Variants in PIGR observed in about 807,000 individuals in gnomAD.
The protein encoded by PIGR is polymeric immunoglobulin receptor, also known as hepatocellular carcinoma associated protein TB6.
PIGR carries 22 observed loss-of-function variants against 69.5 expected under a neutral mutation model. The observed-to-expected ratio is 0.32, with a 90% CI of 0.23 to 0.45. The LOEUF (loss-of-function observed/expected upper bound fraction) is 0.45, where lower values mean the gene tolerates loss of function less well. Ranked by LOEUF, PIGR falls within the 20% of genes least tolerant of loss-of-function variation. PIGR has a pLI of 1.00. For synonymous variants in PIGR, 413 were observed against 407.6 expected (o/e 1.01, Z -0.16); for missense variants, 885 against 974.0 (o/e 0.91, Z 1.22).
In PIGR at chr1:206,935,876, G is replaced by A. The variant is rs372052893; in HGVS notation, c.1046-58C>T. The stretch of plus-strand genomic sequence containing the variant: ...TGGCCACGCAGGAAGAGCCTTGCGT[G>A]GCCTGAGAAGCCTTCTTCCCGGGGT... On this transcript the variant is annotated intron_variant, in intron 4 of 10. Coordinates refer to ENST00000356495, the MANE Select transcript of PIGR (RefSeq NM_002644.4). The surrounding 1 kb of genome is among the most constrained non-coding windows in gnomAD (Gnocchi z 4.4). 9.4e-5 allele frequency: 126 copies of A among 1,334,130 alleles called. 4 individuals are homozygous for A. The South Asian group carries it at 1.6e-3, about 17-fold the overall frequency. The allele number at this position is 1,334,130 out of a possible 1,614,324, so 82.6% of individuals were successfully genotyped here.
At chr1:206,938,154 A>T (rs1467790747) in intron 3 of PIGR, among the ~76,000 whole-genome samples, 1 of 152,246 alleles carries the variant, frequency 6.6e-6, no homozygotes, top group African/African-American at 2.4e-5. Flanking sequence ...AACAGAATGA[A>T]TGTAAATGCA....
intron 1 of PIGR, among the ~76,000 whole-genome samples, chr1:206,940,851 C>T (rs1679968731): frequency 2.0e-5 from 3 of 152,212 alleles, no homozygotes; most frequent in African/African-American, 7.2e-5. Flanking sequence ...GTCATTTGCT[C>T]TGTTTCCCTG....
chr1:206,944,327 G>T (rs1200776340), intron 1 of PIGR, among the ~76,000 whole-genome samples: 1 of 152,122 alleles, frequency 6.6e-6, no homozygotes, highest in Non-Finnish European at 1.5e-5. Context: ...GCAAAAGTTA[G>T]CTGGGTGTGG....
At chr1:206,931,034 G>A in intron 10 of PIGR, 1 of 985,380 alleles carries the variant, frequency 1.0e-6, no homozygotes. Flanking sequence ...CAAGAGAAGT[G>A]AGCAGGGGCT....
chr1:206,931,752 C>T lies in PIGR; in HGVS notation c.2059G>A (p.Glu687Lys), dbSNP rs775192099. 1.1e-5 allele frequency: 18 copies of T among 1,614,088 alleles called. No individual in the cohort carries two copies. Among genetic ancestry groups the T allele is most frequent in the South Asian group, 6.6e-5 (6 of 91,082 alleles). Residue 687 changes from glutamate (E) to lysine (K), a missense_variant, in exon 9 of 11, where the codon GAG becomes AAG. Physicochemically the swap from Glu to Lys is moderately conservative, Grantham distance 56 (BLOSUM62 1). Coordinates refer to ENST00000356495, the MANE Select transcript of PIGR (RefSeq NM_002644.4). ...YRTDISMSDFENSREFGANDN... is the reference protein window; with the variant it reads ...YRTDISMSDFKNSREFGANDN... ...TTGGCTCCAAATTCCCTGGAGTTCT[C>T]GAAGTCTGACATGCTAATGTCTGTC...
intron 1 of PIGR, among the ~76,000 whole-genome samples, chr1:206,941,367 A>G (rs1287178272): frequency 6.6e-6 from 1 of 152,220 alleles, no homozygotes; most frequent in Non-Finnish European, 1.5e-5. Flanking sequence ...ATCGCACCCC[A>G]AATACAAGAG....
chr1:206,945,842 T>C (rs1680096725), intron 1 of PIGR, among the ~76,000 whole-genome samples: 2 of 152,264 alleles, frequency 1.3e-5, no homozygotes, highest in South Asian at 2.1e-4. Flanking sequence ...CTGAAAAATA[T>C]GAAACAATTC....
At position 206,946,423 on chromosome 1, in the gene PIGR, C is replaced by T. The variant is rs1680108268; in HGVS notation, c.-141G>A. The T allele has an allele frequency of 6.6e-6, 1 of 152,270 alleles. No homozygotes were observed. Among genetic ancestry groups the T allele is most frequent in the Non-Finnish European group, 1.5e-5 (1 of 68,064 alleles). 9.4% of individuals were successfully genotyped at this position (152,270 alleles called of 1,614,324 possible). On this transcript the variant is annotated 5_prime_UTR_variant, in exon 1 of 11. Coordinates refer to ENST00000356495, the MANE Select transcript of PIGR (RefSeq NM_002644.4). ...GTAACCCCTGCCTCTCTAGGAGCTACTGGCAGGGCACTGGACGCTGCTGCC... is the reference window on the plus strand; with the variant it reads ...GTAACCCCTGCCTCTCTAGGAGCTATTGGCAGGGCACTGGACGCTGCTGCC...
Position 206,930,294 on chromosome 1 carries a change from G to GC in PIGR, c.*23dup. 6.3e-7 allele frequency: 1 copy of GC among 1,594,152 alleles called. No individual in the cohort carries two copies. Among genetic ancestry groups the GC allele is most frequent in the South Asian group, 1.1e-5 (1 of 89,088 alleles). Reference sequence around the variant, plus strand: ...GATTCTGAAGGTGATTGTCATGGGTGCAGGGAGCAGGCGGCGACACCGTCT... The same window carrying GC: ...GATTCTGAAGGTGATTGTCATGGGTGCCAGGGAGCAGGCGGCGACACCGTCT... On this transcript the variant is annotated 3_prime_UTR_variant, in exon 11 of 11. Coordinates refer to ENST00000356495, the MANE Select transcript of PIGR (RefSeq NM_002644.4). This position sits in a 1 kb window ranked among gnomAD's most constrained non-coding sequence, Gnocchi z 4.3.
chr1:206,931,336 T>C (rs1448370546), intron 10 of PIGR, 161 bp downstream of exon 10: 2 of 1,510,298 alleles, frequency 1.3e-6, no homozygotes, highest in East Asian at 2.4e-5. Flanking sequence ...TAAGATATAG[T>C]TCTTCCTCAA....
intron 3 of PIGR, among the ~76,000 whole-genome samples, 178 bp from the exon 4 acceptor site, chr1:206,937,929 C>T (rs1489622954): frequency 6.6e-6 from 1 of 152,184 alleles, no homozygotes; most frequent in East Asian, 1.9e-4. Context: ...TCCATGAAAC[C>T]TTTCCCAAGC....
rs1679959640 is a variant in PIGR, at chr1:206,940,485, A to C, written c.43+4T>G. On this transcript the variant is annotated splice_donor_region_variant and intron_variant, in intron 2 of 10. Coordinates refer to ENST00000356495, the MANE Select transcript of PIGR (RefSeq NM_002644.4). ...CTTGGAGAGTTGGGGCCTGGCAGAC[A>C]CACCTGGGAAGACCGCCAGCAGGCA... 1.9e-6 allele frequency: 3 copies of C among 1,551,354 alleles called. No homozygotes were observed. In the African/African-American group the frequency reaches 4.1e-5, roughly 21 times the overall value.
rs749843837 is a variant in PIGR, at chr1:206,939,106, C to T, written c.388+13G>A. 1.3e-6 allele frequency: 2 copies of T among 1,593,646 alleles called. No individual in the cohort carries two copies. The highest frequency in any genetic ancestry group is 1.7e-5 in the Admixed American group (1 of 59,266). ...AACTTTCCCCCAGAAGCCCAAGGAGCTTGGATCCTTACCCTGGCTGACCTC... is the reference window on the plus strand; with the variant it reads ...AACTTTCCCCCAGAAGCCCAAGGAGTTTGGATCCTTACCCTGGCTGACCTC... On this transcript the variant is annotated intron_variant, in intron 3 of 10. Transcript: ENST00000356495.
At chr1:206,943,196 C>G (rs556673373) in intron 1 of PIGR, among the ~76,000 whole-genome samples, 8 of 152,114 alleles carry the variant, frequency 5.3e-5, no homozygotes, top group Non-Finnish European at 7.4e-5. Context: ...AGGTTCTTTT[C>G]TTGTAAGACT....
chr1:206,930,196 A>T lies in PIGR; in HGVS notation c.*122T>A, dbSNP rs1457904961. 19 of 733,922 alleles carry T rather than the reference A, an allele frequency of 2.6e-5. No individual in the cohort carries two copies. Among genetic ancestry groups the T allele is most frequent in the Non-Finnish European group, 3.9e-5 (18 of 465,512 alleles). The allele number at this position is 733,922 out of a possible 1,614,324, so 45.5% of individuals were successfully genotyped here. On this transcript the variant is annotated 3_prime_UTR_variant, in exon 11 of 11. Coordinates refer to ENST00000356495, the MANE Select transcript of PIGR (RefSeq NM_002644.4). The surrounding 1 kb of genome is among the most constrained non-coding windows in gnomAD (Gnocchi z 4.3). ...AGGGGACCAGCACGCCTCTGAGGAC[A>T]GTAGGAAAAACCTAGGCAGGTGTTA... is the stretch of plus-strand genomic sequence containing the variant.
rs764167496 is a variant in PIGR, at chr1:206,934,595, G to A, written c.1530C>T (p.Asp510=). Reference sequence around the variant, plus strand: ...TCACGAAGGCCTTGCTGGGGCCTTCGTCTTGGCTGGGCAGGGCCTGGCAGC... The same window carrying A: ...TCACGAAGGCCTTGCTGGGGCCTTCATCTTGGCTGGGCAGGGCCTGGCAGC... ...NTGCQALPSQ[D]EGPSKAFVNC... is the part of the protein sequence containing the mutation. Residue 510 remains aspartate (D), a synonymous_variant, in exon 6 of 11, where the codon GAC becomes GAT. Coordinates refer to ENST00000356495, the MANE Select transcript of PIGR (RefSeq NM_002644.4). 7.4e-6 allele frequency: 12 copies of A among 1,614,086 alleles called. No individual in the cohort carries two copies. The highest frequency in any genetic ancestry group is 9.3e-6 in the Non-Finnish European group (11 of 1,180,040).
In PIGR at chr1:206,934,763, G is replaced by C; in HGVS notation, c.1379-17C>G. ...TTGGTTCTCCTGGAGGAGGGAGGGA[G>C]GTAGAAATAAACACAGAAGTTGGTA... is the stretch of plus-strand genomic sequence containing the variant. On this transcript the variant is annotated splice_polypyrimidine_tract_variant and intron_variant, in intron 5 of 10. Transcript: ENST00000356495. 2.5e-6 allele frequency: 4 copies of C among 1,586,888 alleles called. No individual in the cohort carries two copies. The highest frequency in any genetic ancestry group is 3.4e-6 in the Non-Finnish European group (4 of 1,168,596).
chr1:206,934,821 G>T, intron 5 of PIGR, 75 bp from the exon 6 acceptor site: 1 of 1,033,010 alleles, frequency 9.7e-7, no homozygotes, highest in Non-Finnish European at 1.4e-6. Flanking sequence ...GACTCTGGTG[G>T]GAATCTTTGT....
At chr1:206,933,562 C>T (rs888733795) in intron 6 of PIGR, among the ~76,000 whole-genome samples, 11 of 152,126 alleles carry the variant, frequency 7.2e-5, no homozygotes, top group Non-Finnish European at 1.3e-4. Context: ...GAGTCCCATC[C>T]GCAGGGTCCA....
Sources: allele counts gnomAD v4.1 joint callset (sites outside exome capture counted in the v4.1 genomes callset), GRCh38; gene constraint gnomAD v4.1.1; non-coding constraint Gnocchi (gnomAD v3.1); transcripts MANE v1.5; gene names NCBI Gene and HGNC (gene_info 2026-07-23, HGNC 2026-07-21).